The following HS3ST2 variants were observed in gnomAD, a reference collection of about 807,000 sequenced individuals.
The protein encoded by HS3ST2 is heparan sulfate-glucosamine 3-sulfotransferase 2, also known as heparan sulfate glucosamine 3-O-sulfotransferase 2.
Under a neutral mutation model 26.3 loss-of-function variants are expected in HS3ST2, and 17 were observed. The observed-to-expected ratio is 0.65, with a 90% CI of 0.44 to 0.97. The LOEUF (loss-of-function observed/expected upper bound fraction) is 0.97. Ranked by LOEUF, HS3ST2 falls within the 50% of genes least tolerant of loss-of-function variation. The pLI is 0.00. For synonymous variants in HS3ST2, 237 were observed against 219.2 expected (o/e 1.08, Z -0.72); for missense variants, 402 against 501.2 (o/e 0.80, Z 1.89).
At chr16:22,855,472 T>C (rs1901577166) in intron 1 of HS3ST2, among the ~76,000 whole-genome samples, 1 of 152,208 alleles carries the variant, frequency 6.6e-6, no homozygotes, top group Non-Finnish European at 1.5e-5. Flanking sequence ...CTACCATGCC[T>C]GCAAGAATTC....
chr16:22,855,372 C>A (rs75574533), intron 1 of HS3ST2, among the ~76,000 whole-genome samples: 3,711 of 152,216 alleles, frequency 0.024, 164 homozygotes, highest in African/African-American at 0.086. Context: ...TAATCCCAGC[C>A]CTGGCTTGTG....
chr16:22,912,272 A>G (rs552235091), intron 1 of HS3ST2, among the ~76,000 whole-genome samples: 1 of 152,340 alleles, frequency 6.6e-6, no homozygotes, highest in South Asian at 2.1e-4. Context: ...ACATGACCCA[A>G]CGTATGGCCA....
chr16:22,861,399 G>C (rs41433148), intron 1 of HS3ST2, among the ~76,000 whole-genome samples: 1 of 151,726 alleles, frequency 6.6e-6, no homozygotes, highest in African/African-American at 2.4e-5. Flanking sequence ...GACAGAACCT[G>C]TACTTGCTGG....
chr16:22,862,692 G>T (rs778425754), intron 1 of HS3ST2, among the ~76,000 whole-genome samples: 1 of 152,174 alleles, frequency 6.6e-6, no homozygotes. Flanking sequence ...CACATTCCTA[G>T]GCTCAAGGGG....
intron 1 of HS3ST2, among the ~76,000 whole-genome samples, chr16:22,866,752 C>T (rs1344835335): frequency 6.6e-6 from 1 of 151,810 alleles, no homozygotes; most frequent in Non-Finnish European, 1.5e-5. Context: ...GATGTTGAGC[C>T]AAGATTATGT....
chr16:22,857,921 G>A (rs1901619770), intron 1 of HS3ST2, among the ~76,000 whole-genome samples: 1 of 152,146 alleles, frequency 6.6e-6, no homozygotes, highest in Non-Finnish European at 1.5e-5. Flanking sequence ...GTACATTGGA[G>A]GGGAGCTGAA....
At chr16:22,863,390 C>G (rs912195451) in intron 1 of HS3ST2, among the ~76,000 whole-genome samples, 11 of 152,134 alleles carry the variant, frequency 7.2e-5, no homozygotes, top group African/African-American at 1.9e-4. Context: ...TGGCCAGGGC[C>G]CTTCTGAAGG....
chr16:22,915,177 T>G lies in HS3ST2; in HGVS notation c.719T>G (p.Leu240Arg), dbSNP rs917049251. ...GLSFRNRTLG[L>R]VDVSWNAIRI... ...TCCTTCCGCAACCGCACCCTGGGCCTGGTGGACGTGTCATGGAACGCCATC... is the reference window on the plus strand; with the variant it reads ...TCCTTCCGCAACCGCACCCTGGGCCGGGTGGACGTGTCATGGAACGCCATC... The change falls in exon 2 of 2, where the codon CTG becomes CGG. Residue 240 changes from leucine to arginine, a missense_variant. By Grantham distance (102) the Leu-to-Arg change is moderately radical. Transcript: ENST00000261374. The G allele has an allele frequency of 1.2e-6, 2 of 1,614,002 alleles. No individual in the cohort carries two copies. The highest frequency in any genetic ancestry group is 2.2e-5 in the South Asian group (2 of 91,080).
At chr16:22,873,787 T>C (rs1901870526) in intron 1 of HS3ST2, among the ~76,000 whole-genome samples, 2 of 152,218 alleles carry the variant, frequency 1.3e-5, no homozygotes, top group African/African-American at 4.8e-5. Context: ...AGTTCTAGAC[T>C]GAGCCTGGTC....
At chr16:22,902,638 C>T (rs896100101) in intron 1 of HS3ST2, among the ~76,000 whole-genome samples, 1 of 152,230 alleles carries the variant, frequency 6.6e-6, no homozygotes, top group Admixed American at 6.5e-5. Context: ...TTCCTAAAGA[C>T]TGCATCAATG....
chr16:22,877,340 G>A (rs1292708059), intron 1 of HS3ST2, among the ~76,000 whole-genome samples: 1 of 152,208 alleles, frequency 6.6e-6, no homozygotes, highest in Non-Finnish European at 1.5e-5. Flanking sequence ...GTCCTAGCAG[G>A]ATTGACGGGG....
At chr16:22,865,627 G>C (rs961276447) in intron 1 of HS3ST2, among the ~76,000 whole-genome samples, 3 of 152,050 alleles carry the variant, frequency 2.0e-5, no homozygotes, top group Non-Finnish European at 2.9e-5. Context: ...CAAGGAACCA[G>C]GCTATTTATG....
rs145402981 is a variant in HS3ST2, at chr16:22,890,331, A to T, written c.486-24613A>T. On this transcript the variant is annotated intron_variant, in intron 1 of 1. Transcript: ENST00000261374. ...TTTTTTTCTCTTTGAAACCATTGAAATGTTTTTCACCATAATAGAATGATA... is the reference window on the plus strand; with the variant it reads ...TTTTTTTCTCTTTGAAACCATTGAATTGTTTTTCACCATAATAGAATGATA... Among the ~76,000 whole-genome samples, 19 of 152,272 alleles carry T rather than the reference A, an allele frequency of 1.2e-4. No homozygotes were observed. In the East Asian group the frequency reaches 3.7e-3, roughly 29 times the overall value.
intron 1 of HS3ST2, among the ~76,000 whole-genome samples, chr16:22,836,812 T>G (rs997901855): frequency 6.6e-6 from 1 of 151,878 alleles, no homozygotes; most frequent in Non-Finnish European, 1.5e-5. Context: ...CCTGGCTAAA[T>G]TTTTTTTGTT....
intron 1 of HS3ST2, among the ~76,000 whole-genome samples, chr16:22,871,278 C>G (rs983116682): frequency 1.3e-5 from 2 of 151,744 alleles, no homozygotes; most frequent in African/African-American, 4.8e-5. Context: ...ATTGCTTGAA[C>G]CCGGGAGGTG....
chr16:22,860,090 A>G (rs1214146083), intron 1 of HS3ST2, among the ~76,000 whole-genome samples: 1 of 152,142 alleles, frequency 6.6e-6, no homozygotes, highest in East Asian at 1.9e-4. Context: ...TAAAATGACA[A>G]TTGCCCTCTT....
At chr16:22,844,894 G>A (rs1182155141) in intron 1 of HS3ST2, among the ~76,000 whole-genome samples, 2 of 147,052 alleles carry the variant, frequency 1.4e-5, no homozygotes, top group African/African-American at 5.0e-5. Flanking sequence ...TCAGTCTGTT[G>A]CCCAGGCTGG....
intron 1 of HS3ST2, among the ~76,000 whole-genome samples, chr16:22,914,443 A>T (rs1038264320): frequency 1.3e-5 from 2 of 151,958 alleles, no homozygotes; most frequent in Non-Finnish European, 2.9e-5. Context: ...TAAGAAAAAA[A>T]GCCTGTAATC....
At chr16:22,863,844 C>T (rs77425588) in intron 1 of HS3ST2, among the ~76,000 whole-genome samples, 1 of 152,194 alleles carries the variant, frequency 6.6e-6, no homozygotes, top group African/African-American at 2.4e-5. Context: ...GCCACCCTCT[C>T]CCTTCATCCT....
Sources: allele counts gnomAD v4.1 joint callset (sites outside exome capture counted in the v4.1 genomes callset), GRCh38; gene constraint gnomAD v4.1.1; transcripts MANE v1.5; gene names NCBI Gene and HGNC (gene_info 2026-07-23, HGNC 2026-07-21).